Variants in WNK4 observed in about 807,000 individuals in gnomAD.
WNK4 encodes WNK lysine deficient protein kinase 4.
A neutral mutation model predicts 116.2 loss-of-function variants in WNK4; 94 were observed. That is an observed-to-expected ratio of 0.81 (90% confidence interval 0.68 to 0.96). The LOEUF (loss-of-function observed/expected upper bound fraction) is 0.96, where lower values mean the gene tolerates loss of function less well. Among genes scored for constraint, WNK4 ranks in the 40% least tolerant of loss-of-function variants. The probability of loss-of-function intolerance (pLI) is 0.00; values close to 1 mark genes in which losing one functional copy is unlikely to be tolerated. For synonymous variants in WNK4, 655 were observed against 672.7 expected (o/e 0.97, Z 0.41); for missense variants, 1,542 against 1,650.6 (o/e 0.93, Z 1.14).
chr17:42,794,947 A>G lies in WNK4; in HGVS notation c.2526A>G (p.Pro842=), dbSNP rs780384149. Residue 842 remains proline, a synonymous_variant, in exon 14 of 19, where the codon CCA becomes CCG. Coordinates refer to ENST00000246914, the MANE Select transcript of WNK4 (RefSeq NM_032387.5). The part of the protein sequence containing the change: ...TSPPCHPSPS[P]FSPISSQVSS... ...CCCCATGTCATCCCAGCCCCTCCCCATTCTCCCCCATTTCTTCCCAGGTCT... is the reference window on the plus strand; with the variant it reads ...CCCCATGTCATCCCAGCCCCTCCCCGTTCTCCCCCATTTCTTCCCAGGTCT... 3 of 955,662 alleles carry G rather than the reference A, an allele frequency of 3.1e-6. No individual in the cohort carries two copies. The highest frequency in any genetic ancestry group is 2.0e-4 in the East Asian group (2 of 10,250). 59.2% of individuals were successfully genotyped at this position (955,662 alleles called of 1,614,324 possible). A position where few individuals can be genotyped will look rare whatever the true frequency, so the allele number is the denominator to read the frequency against.
At position 42,782,793 on chromosome 17, in the gene WNK4, C is replaced by T; in HGVS notation, c.654C>T (p.Phe218=). The T allele has an allele frequency of 6.2e-7, 1 of 1,614,206 alleles. No individual in the cohort carries two copies. The highest frequency in any genetic ancestry group is 8.5e-7 in the Non-Finnish European group (1 of 1,180,026). The change falls in exon 2 of 19, where the codon TTC becomes TTT. Residue 218 remains phenylalanine, a synonymous_variant. Transcript: ENST00000246914. The surrounding 1 kb of genome is among the most constrained non-coding windows in gnomAD (Gnocchi z 4.2). ...TGTCTAGAGCTGAGCGGCAGCGCTT[C>T]TCAGAGGAGGTGGAGATGCTCAAGG... The part of the protein sequence containing the change: ...RKLSRAERQR[F]SEEVEMLKGL...
Position 42,784,106 on chromosome 17 carries a change from G to T in WNK4, c.961G>T (p.Asp321Tyr). The change falls in exon 3 of 19, where the codon GAC becomes TAC. Residue 321 changes from aspartate to tyrosine, a missense_variant. Asp to Tyr is a radical substitution (Grantham distance 160, BLOSUM62 -3). Coordinates refer to ENST00000246914, the MANE Select transcript of WNK4 (RefSeq NM_032387.5). This position sits in a 1 kb window ranked among gnomAD's most constrained non-coding sequence, Gnocchi z 4.4. ...TGPTGSVKIG[D>Y]LGLATLKRAS... ...ACCTACTGGCTCTGTCAAAATCGGG[G>T]ACCTGGGCCTGGCCACGCTCAAGCG... 1 of 1,611,178 alleles carries T rather than the reference G, an allele frequency of 6.2e-7. No homozygotes were observed. The highest frequency in any genetic ancestry group is 8.5e-7 in the Non-Finnish European group (1 of 1,180,020).
Position 42,795,385 on chromosome 17 carries a change from G to A in WNK4, c.2961+3G>A, listed in dbSNP as rs778842127. On this transcript the variant is annotated splice_donor_region_variant and intron_variant, in intron 14 of 18. Transcript: ENST00000246914. ...ACACAGCTGAGGTGGAGAGTGAGGT[G>A]AGTAGAAAACCAAGAGGGATGATTA... 3 of 1,614,074 alleles carry A rather than the reference G, an allele frequency of 1.9e-6. No individual in the cohort carries two copies. Among genetic ancestry groups the A allele is most frequent in the Admixed American group, 1.7e-5 (1 of 60,020 alleles).
intron 7 of WNK4, 73 bp downstream of exon 7, chr17:42,787,615 C>A: frequency 6.2e-7 from 1 of 1,602,274 alleles, no homozygotes; most frequent in South Asian, 1.1e-5. Context: ...GAAGTTCACC[C>A]CCACAGCAGT....
In WNK4 at chr17:42,785,489, G is replaced by A. The variant is rs1383583297; in HGVS notation, c.1476+7G>A. ...GGAGGTGGCACAGGAGATGGTGAGC[G>A]GAGGACAGACTGTGCTGCCACTGGA... On this transcript the variant is annotated splice_region_variant and intron_variant, in intron 6 of 18. Coordinates refer to ENST00000246914, the MANE Select transcript of WNK4 (RefSeq NM_032387.5). The A allele has an allele frequency of 6.4e-7, 1 of 1,551,766 alleles. No individual in the cohort carries two copies. Among genetic ancestry groups the A allele is most frequent in the Middle Eastern group, 1.7e-4 (1 of 5,980 alleles).
At chr17:42,783,659 C>G in intron 2 of WNK4, 3 of 551,272 alleles carry the variant, frequency 5.4e-6, no homozygotes, top group Non-Finnish European at 6.5e-6. Flanking sequence ...CTCCCTCATG[C>G]TTGGGGCAGT....
rs201848994 is a variant in WNK4, at chr17:42,787,461, T to A, written c.1660T>A (p.Phe554Ile). ...CATGGCCCCCGGTCCCCCCAGTGTC[T>A]TCCCCCCTGAGCCTGAGGAGCCAGA... ...VPMAPGPPSV[F>I]PPEPEEPEAD... The change falls in exon 7 of 19, where the codon TTC becomes ATC. Residue 554 changes from phenylalanine (F) to isoleucine (I), a missense_variant. Around this residue, in one of 7 missense-constraint regions of WNK4, gnomAD observed 808 missense variants for 873.6 expected, o/e 0.92. Coordinates refer to ENST00000246914, the MANE Select transcript of WNK4 (RefSeq NM_032387.5). 1 of 1,334,302 alleles carries A rather than the reference T, an allele frequency of 7.5e-7. No homozygotes were observed. The highest frequency in any genetic ancestry group is 1.5e-5 in the African/African-American group (1 of 65,484). The allele number at this position is 1,334,302 out of a possible 1,614,324, so 82.7% of individuals were successfully genotyped here.
At position 42,784,650 on chromosome 17, in the gene WNK4, G is replaced by T; in HGVS notation, c.1170+71G>T. ...CCCCTTTTCCTGCGCCGGCCAGCCC[G>T]CAGTCAATGCCCTTTGCCTGCACGA... On this transcript the variant is annotated intron_variant, in intron 4 of 18. Transcript: ENST00000246914. The surrounding 1 kb of genome is among the most constrained non-coding windows in gnomAD (Gnocchi z 4.4). 1.3e-6 allele frequency: 2 copies of T among 1,585,106 alleles called. No homozygotes were observed. The highest frequency in any genetic ancestry group is 8.6e-7 in the Non-Finnish European group (1 of 1,164,026).
At position 42,788,698 on chromosome 17, in the gene WNK4, C is replaced by T. The variant is rs759435372; in HGVS notation, c.2058C>T (p.Asp686=). Reference sequence around the variant, plus strand: ...ATCTGAAGGTCTCAGACCAGAATGACAGAGTGGTTGAGTGCCAGCTACAGA... The same window carrying T: ...ATCTGAAGGTCTCAGACCAGAATGATAGAGTGGTTGAGTGCCAGCTACAGA... ...LRVTSVSDQN[D]RVVECQLQTH... is the part of the protein sequence containing the mutation. Residue 686 remains aspartate (D), a synonymous_variant, in exon 11 of 19, where the codon GAC becomes GAT. Coordinates refer to ENST00000246914, the MANE Select transcript of WNK4 (RefSeq NM_032387.5). The T allele has an allele frequency of 1.9e-6, 3 of 1,614,038 alleles. No homozygotes were observed. Among genetic ancestry groups the T allele is most frequent in the East Asian group, 2.2e-5 (1 of 44,886 alleles).
rs1568029266 is a variant in WNK4 at position 42,787,265 on chromosome 17, AC to A, written c.1477-9del. On this transcript the variant is annotated splice_polypyrimidine_tract_variant and intron_variant, in intron 6 of 18. Coordinates refer to ENST00000246914, the MANE Select transcript of WNK4 (RefSeq NM_032387.5). ...TCCCAAGCTGTGTTCCTCATCCCCCACCCCAATTCCAGGTGGCTCTGGGCTT... is the reference window on the plus strand; with the variant it reads ...TCCCAAGCTGTGTTCCTCATCCCCCACCCAATTCCAGGTGGCTCTGGGCTT... 9 of 1,613,164 alleles carry A rather than the reference AC, an allele frequency of 5.6e-6. No individual in the cohort carries two copies. The highest frequency in any genetic ancestry group is 5.9e-6 in the Non-Finnish European group (7 of 1,179,920).
chr17:42,792,785 G>C (rs1292158675), intron 11 of WNK4, among the ~76,000 whole-genome samples: 1 of 152,162 alleles, frequency 6.6e-6, no homozygotes, highest in Non-Finnish European at 1.5e-5. Flanking sequence ...TGTGACATTT[G>C]CCATTTATTG....
intron 11 of WNK4, among the ~76,000 whole-genome samples, chr17:42,793,084 T>C (rs531860706): frequency 1.3e-5 from 2 of 152,362 alleles, no homozygotes; most frequent in Non-Finnish European, 2.9e-5. Context: ...CTGGTATATA[T>C]ACGCATCCTA....
Position 42,789,872 on chromosome 17 carries a change from G to A in WNK4, c.2157+1075G>A, listed in dbSNP as rs568067992. Among the ~76,000 whole-genome samples the A allele has an allele frequency of 6.6e-5, 10 of 151,804 alleles. No homozygotes were observed. The South Asian group carries it at 1.0e-3, about 16-fold the overall frequency. ...ATTTAAAAAATTAGCCGTGTGTGGC[G>A]GCACATGCCTGTCATCCCAACTACT... is the stretch of plus-strand genomic sequence containing the variant. On this transcript the variant is annotated intron_variant, in intron 11 of 18. Coordinates refer to ENST00000246914, the MANE Select transcript of WNK4 (RefSeq NM_032387.5).
rs887050680 is a variant in WNK4 at position 42,782,390 on chromosome 17, T to C, written c.619-368T>C. ...CCCCAATTCCCTGCCCGCAGTATCC[T>C]GCTGCCCGCCTGCTGCCTGCTCACT... On this transcript the variant is annotated intron_variant, in intron 1 of 18. Transcript: ENST00000246914. The surrounding 1 kb of genome is among the most constrained non-coding windows in gnomAD (Gnocchi z 4.2). 6.6e-6 allele frequency among the ~76,000 whole-genome samples: 1 copy of C among 152,230 alleles called. No homozygotes were observed. Among genetic ancestry groups the C allele is most frequent in the Non-Finnish European group, 1.5e-5 (1 of 68,032 alleles).
Position 42,780,810 on chromosome 17 carries a change from C to G in WNK4, c.112C>G (p.Pro38Ala), listed in dbSNP as rs542693543. Residue 38 changes from proline to alanine, a missense_variant, in exon 1 of 19, where the codon CCC becomes GCC. By Grantham distance (27) the Pro-to-Ala change is conservative (BLOSUM62 -1). This residue lies in a region of WNK4 where 243 missense variants were observed against 217.8 expected (regional missense o/e 1.12). Coordinates refer to ENST00000246914, the MANE Select transcript of WNK4 (RefSeq NM_032387.5). ...LGTAGQPRLGPPPRRARRFSG... is the reference protein window; with the variant it reads ...LGTAGQPRLGAPPRRARRFSG... ...CACCGCGGGGCAGCCCCGCCTCGGG[C>G]CCCCTCCTCGCCGAGCGCGCCGCTT... The G allele has an allele frequency of 1.9e-6, 3 of 1,602,252 alleles. No individual in the cohort carries two copies. Among genetic ancestry groups the G allele is most frequent in the South Asian group, 2.2e-5 (2 of 90,874 alleles).
intron 11 of WNK4, among the ~76,000 whole-genome samples, chr17:42,790,994 T>C (rs558214402): frequency 6.6e-6 from 1 of 152,274 alleles, no homozygotes; most frequent in South Asian, 2.1e-4. Flanking sequence ...CCAGCCACAC[T>C]GGTTTCAAAA....
chr17:42,790,423 G>A (rs928725360), intron 11 of WNK4, among the ~76,000 whole-genome samples: 1 of 152,066 alleles, frequency 6.6e-6, no homozygotes, highest in Non-Finnish European at 1.5e-5. Context: ...AGGTCATGAT[G>A]AGCTTGAGTG....
chr17:42,785,261 C>T lies in WNK4; in HGVS notation c.1260-5C>T, dbSNP rs756837105. Reference sequence around the variant, plus strand: ...GGGCTCGGCTCACCCACGCGTCACCCTCAGGTTCACCATCCAGGACCTCCT... The same window carrying T: ...GGGCTCGGCTCACCCACGCGTCACCTTCAGGTTCACCATCCAGGACCTCCT... On this transcript the variant is annotated splice_region_variant and splice_polypyrimidine_tract_variant and intron_variant, in intron 5 of 18. Transcript: ENST00000246914. 2.5e-6 allele frequency: 4 copies of T among 1,608,574 alleles called. No homozygotes were observed. The highest frequency in any genetic ancestry group is 2.7e-5 in the African/African-American group (2 of 75,034).
At chr17:42,796,392 CCCTGGGGGTCTGCCCCGGGGG>C in intron 17 of WNK4, 68 bp from the exon 18 acceptor site, 6 of 1,612,912 alleles carry the variant, frequency 3.7e-6, no homozygotes, top group Non-Finnish European at 5.1e-6. Flanking sequence ...TTTCTCCAGG[CCCTGGGGGTCTGCCCCGGGGG>C]AATAGACCCC....
Sources: gnomAD v4.1 joint callset for allele counts (sites outside exome capture counted in the v4.1 genomes callset) on GRCh38, gnomAD v4.1.1 for gene constraint, gnomAD v4.1.1 regional missense constraint, Gnocchi (gnomAD v3.1) non-coding constraint, MANE v1.5 for transcripts, NCBI Gene and HGNC (gene_info 2026-07-23, HGNC 2026-07-21) for gene names.